MPP1: variants seen among roughly 807,000 people sequenced by gnomAD.
The protein encoded by MPP1 is 55 kDa erythrocyte membrane protein.
Under a neutral mutation model 38.2 loss-of-function variants are expected in MPP1, and 6 were observed. The ratio of observed to expected loss-of-function variants is 0.16; its 90% CI spans 0.09 to 0.31. MPP1 has a LOEUF of 0.31. Among genes scored for constraint, MPP1 ranks in the 10% least tolerant of loss-of-function variants. The probability of loss-of-function intolerance (pLI) is 1.00; values close to 1 mark genes in which losing one functional copy is unlikely to be tolerated. For synonymous variants in MPP1, 153 were observed against 146.3 expected (o/e 1.05, Z -0.33); for missense variants, 293 against 368.9 (o/e 0.79, Z 1.69).
At position 154,783,541 on chromosome X, in the gene MPP1, G is replaced by T. The variant is rs146037277; in HGVS notation, c.866-34C>A. On this transcript the variant is annotated intron_variant, in intron 8 of 11. Coordinates refer to ENST00000369534, the MANE Select transcript of MPP1 (RefSeq NM_002436.4). ...AGAGAGAAGAACATCTTTTGGAAAGGGGGGAGAGGAGCGAGGATAAGATAC... is the reference window on the plus strand; with the variant it reads ...AGAGAGAAGAACATCTTTTGGAAAGTGGGGAGAGGAGCGAGGATAAGATAC... 1.5e-4 allele frequency: 162 copies of T among 1,111,528 alleles called. No homozygotes were observed. In the East Asian group the frequency reaches 2.2e-3, roughly 15 times the overall value. 91.6% of individuals were successfully genotyped at this position (1,111,528 alleles called of 1,213,427 possible). A position where few individuals can be genotyped will look rare whatever the true frequency, so the allele number is the denominator to read the frequency against.
intron 6 of MPP1, 82 bp from the exon 7 acceptor site, chrX:154,785,239 C>A: frequency 3.1e-6 from 2 of 637,801 alleles, no homozygotes; most frequent in Non-Finnish European, 4.5e-6. Flanking sequence ...TCTAATGGCA[C>A]CCCCTTCACT....
At chrX:154,798,005 A>G (rs1263532122) in intron 1 of MPP1, among the ~76,000 whole-genome samples, 1 of 112,924 alleles carries the variant, frequency 8.9e-6, no homozygotes, top group Non-Finnish European at 1.9e-5. Context: ...ATGGCAAATG[A>G]GGATATAAAA....
At chrX:154,790,530 CAA>C (rs782132001) in intron 4 of MPP1, among the ~76,000 whole-genome samples, 13 of 48,232 alleles carry the variant, frequency 2.7e-4, no homozygotes, top group Admixed American at 2.7e-4. Context: ...AACTCCATCT[CAA>C]AAAAAAAAAA....
intron 1 of MPP1, among the ~76,000 whole-genome samples, chrX:154,796,392 A>T (rs1468738697): frequency 1.8e-5 from 2 of 111,368 alleles, no homozygotes; most frequent in Non-Finnish European, 3.8e-5. Context: ...CGGCCTCCCA[A>T]ATCTGCTGGG....
chrX:154,792,483 G>C, intron 1 of MPP1, 198 bp from the exon 2 acceptor site: 1 of 423,362 alleles, frequency 2.4e-6, no homozygotes, highest in Non-Finnish European at 3.9e-6. Flanking sequence ...AAGTGTGGTG[G>C]TGTGCACCTG....
chrX:154,797,434 T>C (rs1447977124), intron 1 of MPP1, among the ~76,000 whole-genome samples: 1 of 112,230 alleles, frequency 8.9e-6, no homozygotes, highest in African/African-American at 3.2e-5. Flanking sequence ...TACTGTAGTA[T>C]AGTCTCAGTA....
chrX:154,785,201 C>A lies in MPP1; in HGVS notation c.678-44G>T, dbSNP rs199717743. On this transcript the variant is annotated intron_variant, in intron 6 of 11. Coordinates refer to ENST00000369534, the MANE Select transcript of MPP1 (RefSeq NM_002436.4). ...CAAGGGGTCAGCTTTCCTCCCCCTCCCCTCATACCCCCCCCAGCCACTCAG... is the reference window on the plus strand; with the variant it reads ...CAAGGGGTCAGCTTTCCTCCCCCTCACCTCATACCCCCCCCAGCCACTCAG... 1.6e-4 allele frequency: 143 copies of A among 913,969 alleles called. No homozygotes were observed. The African/African-American group carries it at 3.0e-3, about 19-fold the overall frequency. 75.3% of individuals were successfully genotyped at this position (913,969 alleles called of 1,213,427 possible). A position where few individuals can be genotyped will look rare whatever the true frequency, so the allele number is the denominator to read the frequency against.
At chrX:154,781,207 T>G in intron 11 of MPP1, 32 bp downstream of exon 11, 3 of 1,159,217 alleles carry the variant, frequency 2.6e-6, no homozygotes, top group Non-Finnish European at 2.3e-6. Context: ...CCGGAGAAAG[T>G]GAACTACCCA....
chrX:154,783,191 T>G (rs1452678673), intron 9 of MPP1: 1 of 187,926 alleles, frequency 5.3e-6, no homozygotes, highest in African/African-American at 3.0e-5. Context: ...AGTATCAAAA[T>G]GTTTACTATA....
chrX:154,803,531 C>T (rs1020652935), intron 1 of MPP1, among the ~76,000 whole-genome samples: 7 of 112,002 alleles, frequency 6.2e-5, no homozygotes, highest in African/African-American at 2.0e-4. Flanking sequence ...CAAGCATGCC[C>T]ATAAGGGAAC....
chrX:154,781,364 A>G (rs1557266596), intron 10 of MPP1, 51 bp from the exon 11 acceptor site: 6 of 971,703 alleles, frequency 6.2e-6, no homozygotes, highest in Non-Finnish European at 8.6e-6. Flanking sequence ...GAAGAAAAGG[A>G]AAGTGAAAAA....
chrX:154,802,197 C>T (rs2072275312), intron 1 of MPP1, among the ~76,000 whole-genome samples: 1 of 112,613 alleles, frequency 8.9e-6, no homozygotes, highest in Non-Finnish European at 1.9e-5. Context: ...GCCCACTGTG[C>T]TGGGTGCCCC....
intron 5 of MPP1, among the ~76,000 whole-genome samples, chrX:154,787,101 A>AAC (rs59779466): frequency 0.028 from 2,312 of 82,839 alleles, 47 homozygotes; most frequent in African/African-American, 0.083. Flanking sequence ...CCTGCTCCCA[A>AAC]ACACACACAC....
chrX:154,779,096 G>T lies in MPP1; in HGVS notation c.*81C>A, dbSNP rs2148520618. On this transcript the variant is annotated 3_prime_UTR_variant, in exon 12 of 12. Transcript: ENST00000369534. ...AGCTGACACAAAACTAGTTGGAGCA[G>T]CCCTGTTTGTCTTAAAGCAAGGCGG... 2.1e-6 allele frequency: 2 copies of T among 973,325 alleles called. No individual in the cohort carries two copies. The highest frequency in any genetic ancestry group is 2.8e-6 in the Non-Finnish European group (2 of 704,726). The allele number at this position is 973,325 out of a possible 1,213,427, so 80.2% of individuals were successfully genotyped here. A position where few individuals can be genotyped will look rare whatever the true frequency, so the allele number is the denominator to read the frequency against.
At chrX:154,785,237 C>A in intron 6 of MPP1, 80 bp from the exon 7 acceptor site, 2 of 553,626 alleles carry the variant, frequency 3.6e-6, no homozygotes, top group Non-Finnish European at 5.1e-6. Context: ...TCTCTAATGG[C>A]ACCCCCTTCA....
rs2071953190 is a variant in MPP1, at chrX:154,778,936, T to C, written c.*241A>G. ...GCAGTTACATTTTGGTAGTACTTCT[T>C]ACCCCCAATTTCTAGAAATCCTTTT... On this transcript the variant is annotated 3_prime_UTR_variant, in exon 12 of 12. Transcript: ENST00000369534. 2 of 367,956 alleles carry C rather than the reference T, an allele frequency of 5.4e-6. No individual in the cohort carries two copies. Among genetic ancestry groups the C allele is most frequent in the Non-Finnish European group, 9.3e-6 (2 of 214,457 alleles). 30.3% of individuals were successfully genotyped at this position (367,956 alleles called of 1,213,427 possible). A position where few individuals can be genotyped will look rare whatever the true frequency, so the allele number is the denominator to read the frequency against.
chrX:154,779,162 C>T lies in MPP1; in HGVS notation c.*15G>A, dbSNP rs1318374802. On this transcript the variant is annotated 3_prime_UTR_variant, in exon 12 of 12. Transcript: ENST00000369534. ...CTGGAGAGGGGCATACAGTGGGTTC[C>T]CCCATTCTACAAGCTTAGTAAACCC... is the stretch of plus-strand genomic sequence containing the variant. 4 of 1,199,251 alleles carry T rather than the reference C, an allele frequency of 3.3e-6. No individual in the cohort carries two copies. Among genetic ancestry groups the T allele is most frequent in the African/African-American group, 1.8e-5 (1 of 57,065 alleles).
At chrX:154,780,658 G>A (rs1166252378) in intron 11 of MPP1, among the ~76,000 whole-genome samples, 1 of 111,315 alleles carries the variant, frequency 9.0e-6, no homozygotes, top group Non-Finnish European at 1.9e-5. Context: ...GCACACATGT[G>A]CTATATGCAC....
chrX:154,797,836 C>T (rs1216536085), intron 1 of MPP1, among the ~76,000 whole-genome samples: 12 of 111,585 alleles, frequency 1.1e-4, no homozygotes, highest in Non-Finnish European at 1.3e-4. Flanking sequence ...ATACAAGCTA[C>T]AGACCGGGAG....
Sources: gnomAD v4.1 joint callset for allele counts (sites outside exome capture counted in the v4.1 genomes callset) on GRCh38, gnomAD v4.1.1 for gene constraint, MANE v1.5 for transcripts, NCBI Gene and HGNC (gene_info 2026-07-23, HGNC 2026-07-21) for gene names.